Variants in HDAC9 observed in about 807,000 individuals in gnomAD.
The protein encoded by HDAC9 is histone deacetylase 9.
A neutral mutation model predicts 139.4 loss-of-function variants in HDAC9; 41 were observed. The ratio of observed to expected loss-of-function variants is 0.29; its 90% CI spans 0.23 to 0.38. The LOEUF is 0.38. HDAC9 is among the 10% of genes least tolerant of loss of function. HDAC9 has a pLI of 1.00. For synonymous variants in HDAC9, 517 were observed against 476.2 expected (o/e 1.09, Z -1.12); for missense variants, 1,147 against 1,297.0 (o/e 0.88, Z 1.78).
At chr7:18,803,662 C>A (rs1331381053) in intron 17 of HDAC9, among the ~76,000 whole-genome samples, 1 of 152,010 alleles carries the variant, frequency 6.6e-6, no homozygotes, top group Non-Finnish European at 1.5e-5. Flanking sequence ...ATGATCATTT[C>A]TTGTAGATTT....
intron 2 of HDAC9, among the ~76,000 whole-genome samples, chr7:18,224,868 A>G (rs1294653705): frequency 6.6e-6 from 1 of 152,178 alleles, no homozygotes; most frequent in Non-Finnish European, 1.5e-5. Flanking sequence ...CATGAAGAAC[A>G]TTGAACCTTC....
chr7:18,230,210 A>C (rs1793354182), intron 2 of HDAC9, among the ~76,000 whole-genome samples: 1 of 152,200 alleles, frequency 6.6e-6, no homozygotes, highest in Admixed American at 6.5e-5. Context: ...CTGATTTAAG[A>C]AAAAGCTGGA....
chr7:18,438,953 A>G (rs1791487787), intron 1 of HDAC9, among the ~76,000 whole-genome samples: 1 of 152,178 alleles, frequency 6.6e-6, no homozygotes, highest in Non-Finnish European at 1.5e-5. Flanking sequence ...AGTGAAAATT[A>G]TTTTCGAACA....
intron 23 of HDAC9, 111 bp from the exon 24 acceptor site, chr7:18,954,035 C>T (rs1462901738): frequency 7.0e-6 from 5 of 714,550 alleles, no homozygotes; most frequent in African/African-American, 1.8e-5. Flanking sequence ...TTAACTAGTT[C>T]TCGGAGCAAG....
chr7:18,731,779 C>G (rs1584931377), intron 13 of HDAC9, among the ~76,000 whole-genome samples: 2 of 152,096 alleles, frequency 1.3e-5, no homozygotes, highest in African/African-American at 4.8e-5. Flanking sequence ...TCATGCACCA[C>G]CACACCCAGC....
intron 2 of HDAC9, among the ~76,000 whole-genome samples, chr7:18,572,278 T>C (rs1366282710): frequency 1.3e-5 from 2 of 150,986 alleles, no homozygotes; most frequent in Non-Finnish European, 3.0e-5. Context: ...TTTGAAATAG[T>C]CAAATTTGAA....
At chr7:18,265,211 A>G (rs1795919990) in intron 2 of HDAC9, among the ~76,000 whole-genome samples, 1 of 152,242 alleles carries the variant, frequency 6.6e-6, no homozygotes, top group South Asian at 2.1e-4. Context: ...CAGGGCAAGG[A>G]CAAATCAATA....
At chr7:18,725,694 C>A (rs746547781) in intron 12 of HDAC9, among the ~76,000 whole-genome samples, 1 of 152,128 alleles carries the variant, frequency 6.6e-6, no homozygotes, top group East Asian at 1.9e-4. Context: ...AATTGTAGAT[C>A]ATATGTGGAA....
chr7:18,496,549 A>C (rs562346765), intron 2 of HDAC9: 26 of 526,260 alleles, frequency 4.9e-5, no homozygotes, highest in Non-Finnish European at 8.8e-5. Context: ...ATTGCAAACT[A>C]TTGCTTCTGA....
intron 5 of HDAC9, 55 bp from the exon 6 acceptor site, chr7:18,593,853 C>T (rs147193241): frequency 1.3e-6 from 2 of 1,596,848 alleles, no homozygotes; most frequent in Admixed American, 3.4e-5. Flanking sequence ...TTATTGCTGA[C>T]CAATATGCAG....
At chr7:18,375,200 C>A (rs186009215) in intron 1 of HDAC9, among the ~76,000 whole-genome samples, 2 of 152,122 alleles carry the variant, frequency 1.3e-5, no homozygotes, top group South Asian at 2.1e-4. Context: ...CTGGGTGAGG[C>A]GGCTCACGCC....
chr7:18,358,702 C>T (rs1349577947), intron 1 of HDAC9, among the ~76,000 whole-genome samples: 1 of 152,164 alleles, frequency 6.6e-6, no homozygotes, highest in African/African-American at 2.4e-5. Context: ...TTCTCTATAT[C>T]ACTTAGTACT....
intron 23 of HDAC9, among the ~76,000 whole-genome samples, chr7:18,943,712 A>G (rs1782178397): frequency 6.6e-6 from 1 of 152,084 alleles, no homozygotes; most frequent in Admixed American, 6.5e-5. Flanking sequence ...CTCTTACCTT[A>G]TTCAAGGAAT....
intron 1 of HDAC9, among the ~76,000 whole-genome samples, chr7:18,463,975 A>G (rs1794063912): frequency 6.6e-6 from 1 of 151,924 alleles, no homozygotes; most frequent in Admixed American, 6.6e-5. Flanking sequence ...ATTATCCTCA[A>G]GGATTTGTAT....
chr7:18,850,228 T>G (rs946038628), intron 21 of HDAC9, among the ~76,000 whole-genome samples: 2 of 152,186 alleles, frequency 1.3e-5, no homozygotes, highest in Non-Finnish European at 2.9e-5. Context: ...AAAAATACTT[T>G]CCTTGAATAG....
chr7:18,108,530 C>T (rs537039414), intron 1 of HDAC9, among the ~76,000 whole-genome samples: 1 of 150,046 alleles, frequency 6.7e-6, no homozygotes, highest in South Asian at 2.1e-4. Flanking sequence ...AACTTATTTT[C>T]TTTCTTTCAA....
chr7:18,727,835 T>C (rs1562887306), intron 13 of HDAC9, 78 bp downstream of exon 13: 5 of 1,143,890 alleles, frequency 4.4e-6, no homozygotes, highest in African/African-American at 1.6e-5. Flanking sequence ...TTAAATGCTC[T>C]GAATAACTCC....
intron 2 of HDAC9, among the ~76,000 whole-genome samples, chr7:18,525,150 A>T (rs1307067304): frequency 6.6e-6 from 1 of 152,098 alleles, no homozygotes. Flanking sequence ...GTGTTTCCTC[A>T]GTTGCTTTTA....
intron 1 of HDAC9, 77 bp from the exon 2 acceptor site, chr7:18,496,185 T>C: frequency 6.6e-7 from 1 of 1,519,700 alleles, no homozygotes; most frequent in Non-Finnish European, 9.1e-7. Flanking sequence ...CAGTGATGAA[T>C]GTTTCATGTA....
Sources: allele counts gnomAD v4.1 joint callset (sites outside exome capture counted in the v4.1 genomes callset), GRCh38; gene constraint gnomAD v4.1.1; transcripts MANE v1.5; gene names NCBI Gene and HGNC (gene_info 2026-07-23, HGNC 2026-07-21).